IRAG1: variants seen among roughly 807,000 people sequenced by gnomAD.
IRAG1 encodes the protein IP3R-associated cGMP kinase substrate.
In IRAG1, 62 loss-of-function variants were observed where a neutral mutation model predicts 106.2. That is an observed-to-expected ratio of 0.58 (90% CI 0.48 to 0.72). The LOEUF is 0.72. Among genes scored for constraint, IRAG1 ranks in the 30% least tolerant of loss-of-function variants. IRAG1 has a pLI of 0.00. For synonymous variants in IRAG1, 462 were observed against 443.9 expected (o/e 1.04, Z -0.51); for missense variants, 1,064 against 1,140.7 (o/e 0.93, Z 0.97).
chr11:10,692,489 A>C (rs1589993424), intron 1 of IRAG1, among the ~76,000 whole-genome samples: 1 of 151,350 alleles, frequency 6.6e-6, no homozygotes, highest in African/African-American at 2.4e-5. Flanking sequence ...GGGATGGGCA[A>C]CTCCACCTGC....
intron 2 of IRAG1, among the ~76,000 whole-genome samples, chr11:10,641,230 G>A (rs929242003): frequency 2.6e-5 from 4 of 152,204 alleles, no homozygotes; most frequent in Non-Finnish European, 5.9e-5. Context: ...AGTGCACCTA[G>A]CACTGAGCAA....
intron 4 of IRAG1, among the ~76,000 whole-genome samples, chr11:10,630,656 A>G (rs1856624115): frequency 6.6e-6 from 1 of 151,930 alleles, no homozygotes. Context: ...GGGATTTCTC[A>G]TGCTCCTCAG....
intron 10 of IRAG1, among the ~76,000 whole-genome samples, chr11:10,614,052 CA>C (rs1855193664): frequency 1.3e-5 from 2 of 152,110 alleles, no homozygotes; most frequent in Non-Finnish European, 2.9e-5. Context: ...TAGGTCCTGC[CA>C]AAATTATTCA....
In IRAG1 at chr11:10,580,580, T is replaced by C. The variant is rs377618871; in HGVS notation, c.2370A>G (p.Glu790=). The change falls in exon 20 of 21, where the codon GAA becomes GAG. Residue 790 remains glutamate, a synonymous_variant. Coordinates refer to ENST00000423302, the MANE Select transcript of IRAG1 (RefSeq NM_130385.4). ...GAAGTTCTTTGGTCTTCTTTAGACC[T>C]TCTTGGAATCTGGGGGGCAAAAAGG... The part of the protein sequence containing the change: ...EEEAYSKGFQ[E]GLKKTKELQD... The C allele has an allele frequency of 6.2e-7, 1 of 1,612,924 alleles. No individual in the cohort carries two copies.
intron 1 of IRAG1, among the ~76,000 whole-genome samples, chr11:10,662,596 T>C (rs932800911): frequency 6.6e-6 from 1 of 152,238 alleles, no homozygotes; most frequent in African/African-American, 2.4e-5. Context: ...CCAGCCCCTC[T>C]GGCTCCGCTT....
chr11:10,606,000 C>G (rs1854441405), intron 12 of IRAG1, among the ~76,000 whole-genome samples: 1 of 152,174 alleles, frequency 6.6e-6, no homozygotes, highest in Non-Finnish European at 1.5e-5. Flanking sequence ...TCCTGCTCCA[C>G]CTGCTTTTCA....
At chr11:10,680,057 T>C (rs985619567) in intron 1 of IRAG1, among the ~76,000 whole-genome samples, 4 of 151,910 alleles carry the variant, frequency 2.6e-5, no homozygotes, top group African/African-American at 9.7e-5. Flanking sequence ...GTAGATCACC[T>C]GAGGTCAGGG....
intron 14 of IRAG1, among the ~76,000 whole-genome samples, chr11:10,602,883 A>G (rs1854149615): frequency 6.6e-6 from 1 of 152,204 alleles, no homozygotes; most frequent in African/African-American, 2.4e-5. Flanking sequence ...AGAAAGAAAG[A>G]TAGTATGCAG....
At chr11:10,619,300 A>C (rs185629005) in intron 10 of IRAG1, among the ~76,000 whole-genome samples, 7 of 152,342 alleles carry the variant, frequency 4.6e-5, no homozygotes, top group Non-Finnish European at 7.3e-5. Flanking sequence ...GAATGTTCTG[A>C]TAAGTATCTT....
chr11:10,627,606 T>TA (rs1328066263), intron 8 of IRAG1, 110 bp downstream of exon 8: 1 of 1,132,720 alleles, frequency 8.8e-7, no homozygotes, highest in Non-Finnish European at 1.3e-6. Context: ...CCTCCACTCA[T>TA]ACGTGTGCAT....
intron 1 of IRAG1, among the ~76,000 whole-genome samples, chr11:10,675,137 G>A (rs1860552101): frequency 6.6e-6 from 1 of 152,250 alleles, no homozygotes; most frequent in Non-Finnish European, 1.5e-5. Context: ...ACCATTTGGA[G>A]CAGCAGTGAA....
At chr11:10,598,658 G>C (rs1351350543) in intron 15 of IRAG1, among the ~76,000 whole-genome samples, 1 of 152,198 alleles carries the variant, frequency 6.6e-6, no homozygotes, top group Non-Finnish European at 1.5e-5. Context: ...ACGGTGAATT[G>C]AGTATTGTAA....
In IRAG1 at chr11:10,629,912, G is replaced by A. The variant is rs1329492085; in HGVS notation, c.401-201C>T. 8.9e-6 allele frequency: 5 copies of A among 560,246 alleles called. No individual in the cohort carries two copies. In the South Asian group the frequency reaches 9.6e-5, roughly 11 times the overall value. The allele number at this position is 560,246 out of a possible 1,614,324, so 34.7% of individuals were successfully genotyped here. On this transcript the variant is annotated intron_variant, in intron 4 of 20. Coordinates refer to ENST00000423302, the MANE Select transcript of IRAG1 (RefSeq NM_130385.4). ...GCCTGGCCCCTATGGCTTATGGCCT[G>A]TGGTCCTCCGTCACAAATGGTCCTG... is the stretch of plus-strand genomic sequence containing the variant.
chr11:10,622,920 TC>T (rs1311371084), intron 10 of IRAG1, among the ~76,000 whole-genome samples: 1 of 82,640 alleles, frequency 1.2e-5, no homozygotes, highest in Non-Finnish European at 2.7e-5. Flanking sequence ...CTTGGGGGCT[TC>T]TTCTCTAGGG....
At chr11:10,648,985 G>A (rs1311102809) in intron 2 of IRAG1, among the ~76,000 whole-genome samples, 3 of 152,156 alleles carry the variant, frequency 2.0e-5, no homozygotes, top group Non-Finnish European at 4.4e-5. Context: ...AACTTAGAAG[G>A]ATGCTCTGTT....
At position 10,591,565 on chromosome 11, in the gene IRAG1, C is replaced by T; in HGVS notation, c.2223G>A (p.Leu741=). Residue 741 remains leucine (L), a synonymous_variant, in exon 18 of 21, where the codon CTG becomes CTA. Coordinates refer to ENST00000423302, the MANE Select transcript of IRAG1 (RefSeq NM_130385.4). ...GKGSLPVTSA[L]PALLENGKTN... is the part of the protein sequence containing the mutation. ...AAACTTACTTTTCCAAAAGTGCAGG[C>T]AGTGCTGAAGTGACAGGTAGGCTGC... 1 of 1,597,226 alleles carries T rather than the reference C, an allele frequency of 6.3e-7. No homozygotes were observed. Among genetic ancestry groups the T allele is most frequent in the Non-Finnish European group, 8.5e-7 (1 of 1,171,840 alleles).
rs150473388 is a variant in IRAG1 at position 10,604,505 on chromosome 11, C to T, written c.1643G>A (p.Ser548Asn). 6.2e-7 allele frequency: 1 copy of T among 1,614,056 alleles called. No homozygotes were observed. Among genetic ancestry groups the T allele is most frequent in the Non-Finnish European group, 8.5e-7 (1 of 1,179,896 alleles). Residue 548 changes from serine (S) to asparagine (N), a missense_variant, in exon 13 of 21, where the codon AGC becomes AAC. Physicochemically the swap from Ser to Asn is conservative, Grantham distance 46. Coordinates refer to ENST00000423302, the MANE Select transcript of IRAG1 (RefSeq NM_130385.4). ...VQLSLAFRNDSYTLESRINQA... is the reference protein window; with the variant it reads ...VQLSLAFRNDNYTLESRINQA... ...GTTAATTCTAGATTCCAGAGTGTAG[C>T]TGTCATTTCTAAAGGCCAAGGACAG...
chr11:10,580,715 A>G, intron 19 of IRAG1, 126 bp from the exon 20 acceptor site: 1 of 1,196,232 alleles, frequency 8.4e-7, no homozygotes, highest in Non-Finnish European at 1.2e-6. Flanking sequence ...GTTCCACAAA[A>G]CAGGAAAAAG....
At chr11:10,577,578 G>T (rs1226888127) in intron 20 of IRAG1, among the ~76,000 whole-genome samples, 1 of 152,178 alleles carries the variant, frequency 6.6e-6, no homozygotes, top group Non-Finnish European at 1.5e-5. Flanking sequence ...CTGAACCAAG[G>T]AGGTGGGGAA....
Sources: gnomAD v4.1 joint callset for allele counts (sites outside exome capture counted in the v4.1 genomes callset) on GRCh38, gnomAD v4.1.1 for gene constraint, MANE v1.5 for transcripts, NCBI Gene and HGNC (gene_info 2026-07-23, HGNC 2026-07-21) for gene names.